Variants in MDGA2 observed in about 807,000 individuals in gnomAD.
The protein encoded by MDGA2 is MAM domain containing glycosylphosphatidylinositol anchor 2.
MDGA2 carries 40 observed loss-of-function variants against 117.8 expected under a neutral mutation model. That is an observed-to-expected ratio of 0.34 (90% CI 0.26 to 0.44). The LOEUF (loss-of-function observed/expected upper bound fraction) is 0.44. Among genes scored for constraint, MDGA2 ranks in the 20% least tolerant of loss-of-function variants. The probability of loss-of-function intolerance (pLI) is 1.00; values close to 1 mark genes in which losing one functional copy is unlikely to be tolerated. For missense variants in MDGA2, 1,123 were observed against 1,250.6 expected, an observed-to-expected ratio of 0.90 and a Z score of 1.54; for synonymous variants, 452 against 439.0, an observed-to-expected ratio of 1.03 and a Z score of -0.37.
intron 2 of MDGA2, among the ~76,000 whole-genome samples, chr14:47,273,227 C>T (rs1888204339): frequency 6.6e-6 from 1 of 152,062 alleles, no homozygotes; most frequent in Non-Finnish European, 1.5e-5. Context: ...ATAAAATCAA[C>T]TCATAATTGT....
At chr14:47,524,565 A>C (rs1174404028) in intron 1 of MDGA2, among the ~76,000 whole-genome samples, 1 of 152,232 alleles carries the variant, frequency 6.6e-6, no homozygotes, top group African/African-American at 2.4e-5. Context: ...GACAAACAGC[A>C]CGTAATCTCC....
Position 47,203,788 on chromosome 14 carries a change from A to G in MDGA2, c.595+14233T>C, listed in dbSNP as rs1162732707. 4.6e-5 allele frequency among the ~76,000 whole-genome samples: 7 copies of G among 152,028 alleles called. No individual in the cohort carries two copies. The South Asian group carries it at 1.4e-3, about 31-fold the overall frequency. On this transcript the variant is annotated intron_variant, in intron 3 of 16. Transcript: ENST00000399232. ...CTGGGCTTAGACCAAGAGTCTTCAA[A>G]TGTTTTAAATCACAAGAGATTAGGA...
intron 2 of MDGA2, among the ~76,000 whole-genome samples, chr14:47,236,677 G>A (rs1291115561): frequency 6.6e-6 from 1 of 152,176 alleles, no homozygotes; most frequent in East Asian, 1.9e-4. Flanking sequence ...CCTTCTGAGA[G>A]CAGATAAAAG....
intron 1 of MDGA2, among the ~76,000 whole-genome samples, chr14:47,323,149 G>GATATATATATATATAT (rs58765297): frequency 2.4e-4 from 26 of 107,670 alleles, no homozygotes; most frequent in Non-Finnish European, 3.5e-4. Context: ...AAGAGTCATG[G>GATATATATATATATAT]ATATATATAT....
intron 1 of MDGA2, among the ~76,000 whole-genome samples, chr14:47,400,307 T>C (rs2138458388): frequency 6.6e-6 from 1 of 152,280 alleles, no homozygotes; most frequent in Admixed American, 6.5e-5. Context: ...CATTCAATGT[T>C]TAATTCCCTT....
At chr14:47,182,589 C>G (rs906479231) in intron 3 of MDGA2, among the ~76,000 whole-genome samples, 2 of 152,178 alleles carry the variant, frequency 1.3e-5, no homozygotes, top group African/African-American at 4.8e-5. Context: ...CTTCCCATCT[C>G]TAGAACTGGG....
chr14:47,325,264 G>A (rs999554093), intron 1 of MDGA2, among the ~76,000 whole-genome samples: 2 of 152,092 alleles, frequency 1.3e-5, no homozygotes, highest in African/African-American at 4.8e-5. Context: ...CAAATGTAAC[G>A]GGGATGATTG....
At chr14:47,619,116 TAC>T (rs1555336908) in intron 1 of MDGA2, among the ~76,000 whole-genome samples, 1,442 of 90,592 alleles carry the variant, frequency 0.016, 8 homozygotes, top group Middle Eastern at 0.038. Flanking sequence ...TCAGTTTAAT[TAC>T]ACACACACAC....
rs944668003 is a variant in MDGA2, at chr14:46,840,998, C to T, written c.*933G>A. On this transcript the variant is annotated 3_prime_UTR_variant, in exon 17 of 17. Transcript: ENST00000399232. Reference sequence around the variant, plus strand: ...TTCAGAAGCGGCTTTGTTGTCTTGCCTGTAATTTGCACATTTAGGCTCTGT... The same window carrying T: ...TTCAGAAGCGGCTTTGTTGTCTTGCTTGTAATTTGCACATTTAGGCTCTGT... 6.6e-6 allele frequency: 1 copy of T among 152,550 alleles called. No individual in the cohort carries two copies. The highest frequency in any genetic ancestry group is 1.5e-5 in the Non-Finnish European group (1 of 68,032). 9.4% of individuals were successfully genotyped at this position (152,550 alleles called of 1,614,324 possible).
chr14:47,496,696 A>T (rs1265928957), intron 1 of MDGA2, among the ~76,000 whole-genome samples: 1 of 151,088 alleles, frequency 6.6e-6, no homozygotes, highest in Non-Finnish European at 1.5e-5. Flanking sequence ...AATTAATTAT[A>T]ATATATATAT....
At chr14:47,228,476 C>T (rs914287618) in intron 2 of MDGA2, among the ~76,000 whole-genome samples, 3 of 152,148 alleles carry the variant, frequency 2.0e-5, no homozygotes, top group African/African-American at 7.2e-5. Flanking sequence ...AGATACTCAA[C>T]ACTTTATTAT....
intron 10 of MDGA2, among the ~76,000 whole-genome samples, chr14:46,919,134 T>C (rs1884024570): frequency 6.6e-6 from 1 of 152,210 alleles, no homozygotes; most frequent in Admixed American, 6.5e-5. Context: ...TATGATAGAA[T>C]AGCTGAATGA....
rs1026005299 is a variant in MDGA2, at chr14:47,059,102, T to G, written c.1525+2147A>C. 3 of 1,062,284 alleles carry G rather than the reference T, an allele frequency of 2.8e-6. No homozygotes were observed. The African/African-American group carries it at 5.1e-5, about 18-fold the overall frequency. 65.8% of individuals were successfully genotyped at this position (1,062,284 alleles called of 1,614,324 possible). ...CAGTAAGAGGCACAGCAAATGTCTA[T>G]ATTATAGAGACAATGGGAGGGGAGA... On this transcript the variant is annotated intron_variant, in intron 7 of 16. Transcript: ENST00000399232.
intron 3 of MDGA2, among the ~76,000 whole-genome samples, chr14:47,203,472 C>T (rs1418161382): frequency 6.6e-6 from 1 of 151,886 alleles, no homozygotes; most frequent in Non-Finnish European, 1.5e-5. Context: ...TCAATGATTC[C>T]ATCAGGTCCA....
intron 5 of MDGA2, among the ~76,000 whole-genome samples, chr14:47,108,153 A>C (rs1351032386): frequency 6.6e-6 from 1 of 152,044 alleles, no homozygotes; most frequent in Non-Finnish European, 1.5e-5. Flanking sequence ...AGGACTGGAC[A>C]ATACTTTTAC....
At chr14:47,643,791 C>T (rs1027931366) in intron 1 of MDGA2, among the ~76,000 whole-genome samples, 1 of 152,000 alleles carries the variant, frequency 6.6e-6, no homozygotes, top group Non-Finnish European at 1.5e-5. Flanking sequence ...ACAACCAAGG[C>T]CAGGATTTTT....
intron 2 of MDGA2, among the ~76,000 whole-genome samples, chr14:47,282,747 CA>C (rs1226041887): frequency 6.7e-6 from 1 of 149,370 alleles, no homozygotes; most frequent in East Asian, 2.0e-4. Flanking sequence ...CAGTTCTATA[CA>C]ACCTGTCATC....
chr14:47,601,888 T>C (rs186221128), intron 1 of MDGA2, among the ~76,000 whole-genome samples: 4 of 152,288 alleles, frequency 2.6e-5, no homozygotes, highest in African/African-American at 7.2e-5. Context: ...AGGAAATCTA[T>C]TGAATCCATA....
intron 9 of MDGA2, among the ~76,000 whole-genome samples, chr14:46,927,682 C>T (rs985983306): frequency 7.2e-5 from 11 of 152,122 alleles, no homozygotes; most frequent in South Asian, 2.1e-4. Flanking sequence ...TTAGGTAAAG[C>T]GCGTTTGTAC....
Sources: gnomAD v4.1 joint callset for allele counts (sites outside exome capture counted in the v4.1 genomes callset) on GRCh38, gnomAD v4.1.1 for gene constraint, MANE v1.5 for transcripts, NCBI Gene and HGNC (gene_info 2026-07-23, HGNC 2026-07-21) for gene names.